Variants in TRAK1 observed in about 807,000 individuals in gnomAD.
The protein encoded by TRAK1 is trafficking kinesin protein 1, also known as trafficking kinesin-binding protein 1.
Under a neutral mutation model 92.1 loss-of-function variants are expected in TRAK1, and 33 were observed. That is an observed-to-expected ratio of 0.36 (90% CI 0.27 to 0.48). The LOEUF is 0.48. TRAK1 is among the 20% of genes least tolerant of loss of function. The pLI, the probability that TRAK1 is intolerant of heterozygous loss-of-function variation, is 0.99. For synonymous variants in TRAK1, 521 were observed against 517.3 expected (o/e 1.01, Z -0.10); for missense variants, 1,123 against 1,257.9 (o/e 0.89, Z 1.62).
chr3:42,094,410 C>T (rs533382737), intron 1 of TRAK1, among the ~76,000 whole-genome samples: 1 of 152,324 alleles, frequency 6.6e-6, no homozygotes, highest in South Asian at 2.1e-4. Flanking sequence ...CTCACTCTGT[C>T]ACATAGGCTG....
At chr3:42,022,246 A>G (rs943672460) in intron 1 of TRAK1, among the ~76,000 whole-genome samples, 3 of 152,212 alleles carry the variant, frequency 2.0e-5, no homozygotes, top group Non-Finnish European at 4.4e-5. Context: ...TGTGGAAGAA[A>G]CATAGTTTGG....
chr3:42,146,445 T>C (rs1699340415), intron 2 of TRAK1: 1 of 167,534 alleles, frequency 6.0e-6, no homozygotes, highest in Non-Finnish European at 1.3e-5. Context: ...AAGGATACTG[T>C]GAAGGATACA....
At chr3:42,175,613 A>T (rs1416841006) in intron 2 of TRAK1, among the ~76,000 whole-genome samples, 5 of 152,208 alleles carry the variant, frequency 3.3e-5, no homozygotes, top group African/African-American at 1.2e-4. Context: ...TCCCTAAGTT[A>T]GAAAATCATT....
At chr3:42,191,425 A>T in intron 6 of TRAK1, 133 bp from the exon 7 acceptor site, 1 of 655,420 alleles carries the variant, frequency 1.5e-6, no homozygotes, top group Non-Finnish European at 2.6e-6. Flanking sequence ...TGAGGGTACG[A>T]TGGGTGACAG....
upstream of TRAK1, among the ~76,000 whole-genome samples, chr3:42,089,056 T>C (rs968954467): frequency 8.5e-5 from 13 of 152,336 alleles, no homozygotes; most frequent in African/African-American, 2.9e-4. Context: ...CTAACAGGCA[T>C]GTCAAACTCA....
Position 42,203,657 on chromosome 3 carries a change from C to A in TRAK1, c.1744+905C>A, listed in dbSNP as rs1481939755. ...GAAGGTGTTTTAAAACTCTGTGTTA[C>A]ACTTACGATGCAAAGCCAAATCAGA... On this transcript the variant is annotated intron_variant, in intron 13 of 15. Coordinates refer to ENST00000327628, the MANE Select transcript of TRAK1 (RefSeq NM_001042646.3). The A allele has an allele frequency of 4.1e-6, 4 of 985,192 alleles. No individual in the cohort carries two copies. The African/African-American group carries it at 7.0e-5, about 17-fold the overall frequency. The allele number at this position is 985,192 out of a possible 1,614,324, so 61.0% of individuals were successfully genotyped here. A position where few individuals can be genotyped will look rare whatever the true frequency, so the allele number is the denominator to read the frequency against.
rs543769716 is a variant in TRAK1, at chr3:42,106,019, G to C, written c.91+14459G>C. Among the ~76,000 whole-genome samples the C allele has an allele frequency of 1.7e-4, 26 of 152,250 alleles. No individual in the cohort carries two copies. In the East Asian group the frequency reaches 5.0e-3, roughly 29 times the overall value. ...TGCCTTACAAGAGCTCCTGAAGGAA[G>C]CACTAAACATGGAAAGGAACAACCA... is the stretch of plus-strand genomic sequence containing the variant. On this transcript the variant is annotated intron_variant, in intron 1 of 15. Coordinates refer to ENST00000327628, the MANE Select transcript of TRAK1 (RefSeq NM_001042646.3).
At chr3:42,201,996 AACAG>A (rs1003785008) in intron 12 of TRAK1, among the ~76,000 whole-genome samples, 4 of 151,734 alleles carry the variant, frequency 2.6e-5, no homozygotes, top group African/African-American at 4.9e-5. Flanking sequence ...GACCAGTTGG[AACAG>A]ACAGACAGGA....
intron 1 of TRAK1, among the ~76,000 whole-genome samples, chr3:42,064,359 G>A (rs1468934033): frequency 2.6e-5 from 3 of 114,978 alleles, no homozygotes; most frequent in South Asian, 4.1e-4. Context: ...AATAAATAGA[G>A]GGATACAAAT....
intron 10 of TRAK1, among the ~76,000 whole-genome samples, chr3:42,196,576 C>T (rs1384114491): frequency 5.0e-5 from 7 of 141,098 alleles, no homozygotes; most frequent in African/African-American, 1.6e-4. Context: ...CTTGCTCTGT[C>T]ATCCAGGCTG....
intron 1 of TRAK1, among the ~76,000 whole-genome samples, chr3:42,017,837 G>A (rs183043546): frequency 2.4e-4 from 37 of 152,202 alleles, no homozygotes; most frequent in Admixed American, 9.8e-4. Context: ...TAATTTTTTT[G>A]TTTTCAAAAT....
intron 2 of TRAK1, among the ~76,000 whole-genome samples, chr3:42,158,760 G>A (rs1232259601): frequency 2.1e-5 from 3 of 144,610 alleles, no homozygotes; most frequent in Non-Finnish European, 4.5e-5. Context: ...TGGTGAACAC[G>A]GTGAAACCCC....
At chr3:42,134,769 C>T (rs558979747) in intron 2 of TRAK1, among the ~76,000 whole-genome samples, 28 of 151,084 alleles carry the variant, frequency 1.9e-4, no homozygotes, top group East Asian at 7.9e-4. Flanking sequence ...TTAGTAGAGA[C>T]GGGGTTTCAC....
Position 42,077,724 on chromosome 3 carries a change from T to G in TRAK1, c.-518-9380T>G, listed in dbSNP as rs117220002. 7.3e-3 allele frequency among the ~76,000 whole-genome samples: 1,109 copies of G among 152,350 alleles called. 53 individuals carry two copies. The East Asian group carries it at 0.13, about 18-fold the overall frequency. Reference sequence around the variant, plus strand: ...TTTTTGTGGCTATTGTGAATGGGACTGAGTTCTTAATTTGGCTTTCAACTT... The same window carrying G: ...TTTTTGTGGCTATTGTGAATGGGACGGAGTTCTTAATTTGGCTTTCAACTT... On this transcript the variant is annotated intron_variant, in intron 1 of 16. Coordinates refer to the TRAK1 transcript ENST00000487159.
intron 6 of TRAK1, among the ~76,000 whole-genome samples, chr3:42,189,695 T>C (rs192725759): frequency 2.0e-3 from 299 of 152,222 alleles, no homozygotes; most frequent in Middle Eastern, 0.01. Context: ...CATGCCCAGC[T>C]AATTTTTGTA....
At chr3:42,203,076 GCTAA>G (rs1308947146) in intron 13 of TRAK1, 2 of 1,233,582 alleles carry the variant, frequency 1.6e-6, no homozygotes, top group African/African-American at 3.1e-5. Flanking sequence ...TAGAGGCACT[GCTAA>G]CTGATTCAAA....
chr3:42,127,019 T>A (rs1396571142), intron 2 of TRAK1, among the ~76,000 whole-genome samples: 3 of 152,168 alleles, frequency 2.0e-5, no homozygotes, highest in Non-Finnish European at 4.4e-5. Context: ...AGTTAAAGCT[T>A]TAGAATTTCT....
intron 6 of TRAK1, 47 bp from the exon 7 acceptor site, chr3:42,191,511 C>T (rs1319177707): frequency 1.3e-6 from 2 of 1,545,268 alleles, no homozygotes; most frequent in Non-Finnish European, 1.8e-6. Context: ...CCTGCACCAC[C>T]AGGCCAGGTG....
At chr3:42,120,509 G>A (rs906482502) in intron 1 of TRAK1, among the ~76,000 whole-genome samples, 1 of 151,968 alleles carries the variant, frequency 6.6e-6, no homozygotes, top group Non-Finnish European at 1.5e-5. Context: ...CTGCAGACAA[G>A]TTAGTAAATT....
Sources: gnomAD v4.1 joint callset for allele counts (sites outside exome capture counted in the v4.1 genomes callset) on GRCh38, gnomAD v4.1.1 for gene constraint, MANE v1.5 for transcripts, NCBI Gene and HGNC (gene_info 2026-07-23, HGNC 2026-07-21) for gene names.